Variants in TRMT11 observed in about 807,000 individuals in gnomAD.
TRMT11 encodes tRNA methyltransferase 11.
TRMT11 carries 53 observed loss-of-function variants against 62.8 expected under a neutral mutation model. That is an observed-to-expected ratio of 0.84 (90% CI 0.68 to 1.06). The LOEUF (loss-of-function observed/expected upper bound fraction) is 1.06, where lower values mean the gene tolerates loss of function less well. Among genes scored for constraint, TRMT11 ranks in the 50% least tolerant of loss-of-function variants. The probability of loss-of-function intolerance (pLI) is 0.00; values close to 1 mark genes in which losing one functional copy is unlikely to be tolerated. For missense variants in TRMT11, 556 were observed against 553.4 expected (o/e 1.00, Z -0.05); for synonymous variants, 188 against 190.3 (o/e 0.99, Z 0.10).
intron 17 of TRMT11, among the ~76,000 whole-genome samples, chr6:126,096,483 C>G (rs1777340857): frequency 6.6e-6 from 1 of 152,106 alleles, no homozygotes; most frequent in Admixed American, 6.5e-5. Context: ...TCTTTTAATC[C>G]TAGCCCATTG....
chr6:126,120,292 T>TATGCTA (rs1209268910), intron 21 of TRMT11, among the ~76,000 whole-genome samples: 1 of 152,052 alleles, frequency 6.6e-6, no homozygotes, highest in African/African-American at 2.4e-5. Context: ...GTATATAAAA[T>TATGCTA]ATGCTAATAA....
intron 1 of TRMT11, among the ~76,000 whole-genome samples, chr6:125,993,162 T>G (rs552478354): frequency 1.4e-4 from 21 of 152,326 alleles, no homozygotes; most frequent in African/African-American, 4.6e-4. Flanking sequence ...AACTTGTTAG[T>G]CATACAAATT....
intron 17 of TRMT11, among the ~76,000 whole-genome samples, chr6:126,082,015 TG>T (rs1340142787): frequency 1.3e-5 from 2 of 152,170 alleles, no homozygotes; most frequent in African/African-American, 4.8e-5. Flanking sequence ...TGCCTAACCA[TG>T]GGACACCAAG....
At chr6:126,242,337 A>G in the TRMT11 span, among the ~76,000 whole-genome samples, 1 of 152,228 alleles carries the variant, frequency 6.6e-6, no homozygotes, top group African/African-American at 2.4e-5. Flanking sequence ...AAGAATCAAT[A>G]TCGTGAAAAT....
At chr6:126,006,952 T>C (rs1042125807) in intron 7 of TRMT11, 9 of 151,994 alleles carry the variant, frequency 5.9e-5, no homozygotes, top group Non-Finnish European at 2.9e-5. Flanking sequence ...CTAGTTCTTC[T>C]AGGTGAGTAT....
At chr6:126,165,413 T>C (rs545523009) in intron 21 of TRMT11, among the ~76,000 whole-genome samples, 1 of 152,360 alleles carries the variant, frequency 6.6e-6, no homozygotes, top group African/African-American at 2.4e-5. Context: ...TTGCAGTGGC[T>C]GATAATGGTT....
At chr6:126,247,543 TAAAA>T in the TRMT11 span, among the ~76,000 whole-genome samples, 1 of 146,686 alleles carries the variant, frequency 6.8e-6, no homozygotes, top group Non-Finnish European at 1.5e-5. Context: ...TATAAATATA[TAAAA>T]ATATAAATAA....
chr6:126,112,486 C>T (rs950323984), intron 17 of TRMT11, among the ~76,000 whole-genome samples: 1 of 152,122 alleles, frequency 6.6e-6, no homozygotes, highest in African/African-American at 2.4e-5. Flanking sequence ...AGATATGAAG[C>T]TTCCTTCAAC....
chr6:126,006,590 T>G (rs1157106566), intron 7 of TRMT11, among the ~76,000 whole-genome samples: 1 of 130,556 alleles, frequency 7.7e-6, no homozygotes, highest in Non-Finnish European at 1.7e-5. Flanking sequence ...CCTTGACACT[T>G]CACTCTCCTT....
intron 6 of TRMT11, among the ~76,000 whole-genome samples, chr6:125,998,956 T>G (rs544859935): frequency 7.9e-5 from 12 of 152,216 alleles, no homozygotes; most frequent in African/African-American, 2.6e-4. Context: ...ACTGTTTTTT[T>G]TTTTTTTGTT....
intron 11 of TRMT11, among the ~76,000 whole-genome samples, chr6:126,019,099 T>G (rs1427091357): frequency 6.6e-6 from 1 of 152,098 alleles, no homozygotes; most frequent in Non-Finnish European, 1.5e-5. Flanking sequence ...AGGCTGGTCT[T>G]GAACTCCTGA....
the TRMT11 span, among the ~76,000 whole-genome samples, chr6:126,243,997 T>C: frequency 1.1e-4 from 17 of 152,354 alleles, no homozygotes; most frequent in Admixed American, 7.2e-4. Context: ...TACCACATTT[T>C]AGTTTCCACT....
chr6:126,167,751 A>T (rs929939936), intron 21 of TRMT11, among the ~76,000 whole-genome samples: 1 of 152,192 alleles, frequency 6.6e-6, no homozygotes, highest in African/African-American at 2.4e-5. Context: ...CAAGTGATAC[A>T]GCACATATGT....
chr6:126,221,234 G>A, the TRMT11 span, among the ~76,000 whole-genome samples: 11 of 152,154 alleles, frequency 7.2e-5, no homozygotes, highest in Non-Finnish European at 1.3e-4. Context: ...GCATGTATGT[G>A]CCTTTATGGT....
intron 17 of TRMT11, among the ~76,000 whole-genome samples, chr6:126,092,502 C>CA (rs1777288273): frequency 2.0e-5 from 3 of 152,166 alleles, no homozygotes; most frequent in Non-Finnish European, 2.9e-5. Context: ...AATTATCTCC[C>CA]AACAGGGCCC....
the TRMT11 span, among the ~76,000 whole-genome samples, chr6:126,269,822 A>G: frequency 4.6e-5 from 7 of 152,318 alleles, no homozygotes; most frequent in Non-Finnish European, 8.8e-5. Flanking sequence ...TACCTATTAT[A>G]TAAGAAAGAT....
chr6:126,245,835 T>C, the TRMT11 span, among the ~76,000 whole-genome samples: 32 of 152,290 alleles, frequency 2.1e-4, no homozygotes, highest in Middle Eastern at 3.4e-3. Flanking sequence ...TGGTGGCTCA[T>C]GCCTATAATT....
the TRMT11 span, chr6:126,257,913 A>G: frequency 2.6e-6 from 4 of 1,523,948 alleles, no homozygotes; most frequent in South Asian, 3.4e-5. Context: ...CACCTGGGTC[A>G]AGGACCCTCA....
the TRMT11 span, among the ~76,000 whole-genome samples, chr6:126,220,371 T>A: frequency 6.6e-6 from 1 of 152,190 alleles, no homozygotes; most frequent in Non-Finnish European, 1.5e-5. Flanking sequence ...AGAGCTTGAA[T>A]TTGGAAGGTT....
Sources: allele counts gnomAD v4.1 joint callset (sites outside exome capture counted in the v4.1 genomes callset), GRCh38; gene constraint gnomAD v4.1.1; transcripts MANE v1.5; gene names NCBI Gene and HGNC (gene_info 2026-07-23, HGNC 2026-07-21).